The following OVCH2 variants were observed in gnomAD, a reference collection of about 807,000 sequenced individuals.
The protein encoded by OVCH2 is ovochymase 2, also known as ovochymase-2.
A neutral mutation model predicts 73.7 loss-of-function variants in OVCH2; 88 were observed. The observed-to-expected ratio is 1.19, with a 90% CI of 1.01 to 1.43. OVCH2 has a LOEUF of 1.43. Ranked by LOEUF, OVCH2 falls within the 40% of genes most tolerant of loss-of-function variation. The pLI is 0.00. For synonymous variants in OVCH2, 265 were observed against 234.5 expected, an observed-to-expected ratio of 1.13 and a Z score of -1.19; for missense variants, 706 against 674.5, an observed-to-expected ratio of 1.05 and a Z score of -0.52.
rs762544717 is a variant in OVCH2, at chr11:7,696,784, T to G, written c.941A>C (p.Gln314Pro). 12 of 1,609,444 alleles carry G rather than the reference T, an allele frequency of 7.5e-6. No individual in the cohort carries two copies. Among genetic ancestry groups the G allele is most frequent in the Admixed American group, 6.7e-5 (4 of 59,322 alleles). The change falls in exon 9 of 16, where the codon CAG (glutamine) becomes CCG (proline). Residue 314 changes from glutamine (Q) to proline (P), a missense_variant. Coordinates refer to ENST00000533663, the MANE Select transcript of OVCH2 (RefSeq NM_198185.7). The part of the protein sequence containing the change: ...RKSSRAWCSE[Q>P]DVIVSGAEGK... ...CTCAGCCCCGCTGACTATGACATCCTGCTCACTGCACCAGGCTGGGAGGGA... is the reference window on the plus strand; with the variant it reads ...CTCAGCCCCGCTGACTATGACATCCGGCTCACTGCACCAGGCTGGGAGGGA...
chr11:7,696,582 C>T lies in OVCH2; in HGVS notation c.1024G>A (p.Val342Ile). 2 of 1,614,028 alleles carry T rather than the reference C, an allele frequency of 1.2e-6. No individual in the cohort carries two copies. Among genetic ancestry groups the T allele is most frequent in the Non-Finnish European group, 1.7e-6 (2 of 1,179,896 alleles). The stretch of plus-strand genomic sequence containing the variant: ...TCCTCTGGTACCAGCAGGGTCCAGA[C>T]ACACCGTCTGTAGGCAGATCATGGA... ...HLYYESKQRC[V>I]WTLLVPEEMH... Residue 342 changes from valine to isoleucine, a missense_variant, in exon 10 of 16, where the codon GTC becomes ATC. By Grantham distance (29) the Val-to-Ile change is conservative. Transcript: ENST00000533663.
rs772019340 is a variant in OVCH2 at position 7,701,778 on chromosome 11, A to C, written c.497T>G (p.Leu166Arg). Residue 166 changes from leucine to arginine, a missense_variant, in exon 5 of 16, where the codon CTG (leucine) becomes CGG (arginine). Physicochemically the swap from Leu to Arg is moderately radical, Grantham distance 102. Transcript: ENST00000533663. The stretch of plus-strand genomic sequence containing the variant: ...AAAACCAGCCTCAAATTGCTCCCGC[A>C]GCTCTGGAAGACATATGGGCCCCAC... ...HFVGPICLPE[L>R]REQFEAGFIC... 2.5e-6 allele frequency: 4 copies of C among 1,612,326 alleles called. No individual in the cohort carries two copies. The African/African-American group carries it at 5.3e-5, about 22-fold the overall frequency.
At chr11:7,688,675 A>AAGT (rs34273154), downstream of OVCH2, among the ~76,000 whole-genome samples, 28,994 of 152,086 alleles carry the variant, frequency 0.19, 3,115 homozygotes, top group African/African-American at 0.29. Flanking sequence ...TCTCCTGATA[A>AAGT]ATCAAAATGG....
chr11:7,704,079 T>G (rs1203973904), intron 2 of OVCH2, among the ~76,000 whole-genome samples: 3 of 152,124 alleles, frequency 2.0e-5, no homozygotes, highest in Non-Finnish European at 4.4e-5. Flanking sequence ...TATAACACAG[T>G]TGATGCAGAC....
chr11:7,701,320 C>A lies in OVCH2; in HGVS notation c.711+4G>T, dbSNP rs1330131980. The A allele has an allele frequency of 2.5e-6, 4 of 1,607,850 alleles. No homozygotes were observed. The highest frequency in any genetic ancestry group is 1.3e-5 in the African/African-American group (1 of 74,726). On this transcript the variant is annotated splice_donor_region_variant and intron_variant, in intron 6 of 15. Coordinates refer to ENST00000533663, the MANE Select transcript of OVCH2 (RefSeq NM_198185.7). ...GGCCTGACAGCCCCGCAGCTCCCAC[C>A]CACCTGACATGCGTCTCTCCCTCCA...
downstream of OVCH2, among the ~76,000 whole-genome samples, chr11:7,685,077 C>A (rs1856127985): frequency 6.6e-6 from 1 of 152,194 alleles, no homozygotes; most frequent in Admixed American, 6.5e-5. Flanking sequence ...GGCATTCTTT[C>A]TCACTTGACC....
intron 1 of OVCH2, chr11:7,705,397 AG>A (rs1856513048): frequency 1.3e-5 from 2 of 152,208 alleles, no homozygotes; most frequent in South Asian, 4.1e-4. Flanking sequence ...TGCATTTCTA[AG>A]GTTTAGCTTA....
chr11:7,700,370 C>G lies in OVCH2; in HGVS notation c.827G>C (p.Ser276Thr), dbSNP rs755041764. ...GAAGATCCCAGGGGATCCTTGATCA[C>G]TTTTCCTCACATTGTTTCTCCAGCC... ...GRGWRNNVRKSDQGSPGIFTD... is the reference protein window; with the variant it reads ...GRGWRNNVRKTDQGSPGIFTD... Residue 276 changes from serine (S) to threonine (T), a missense_variant, in exon 7 of 16, where the codon AGT (serine) becomes ACT (threonine). Physicochemically the swap from Ser to Thr is moderately conservative, Grantham distance 58. Transcript: ENST00000533663. 7.4e-6 allele frequency: 12 copies of G among 1,613,756 alleles called. No individual in the cohort carries two copies. The highest frequency in any genetic ancestry group is 1.0e-5 in the Non-Finnish European group (12 of 1,179,820).
chr11:7,680,315 C>A, the OVCH2 span, among the ~76,000 whole-genome samples: 11 of 152,188 alleles, frequency 7.2e-5, no homozygotes, highest in Non-Finnish European at 1.2e-4. Flanking sequence ...GAATTGCTCA[C>A]CTGGTGCGTG....
At position 7,691,386 on chromosome 11, in the gene OVCH2, A is replaced by G. The variant is rs1856217408; in HGVS notation, c.1522T>C (p.Tyr508His). Reference sequence around the variant, plus strand: ...CTCAGCACAGGGGTGGGGACATCATAGCCACACAGCCGAGCTTGTTGAAGG... The same window carrying G: ...CTCAGCACAGGGGTGGGGACATCATGGCCACACAGCCGAGCTTGTTGAAGG... ...RKKEIARLCGYDVPTPVLSPS... is the reference protein window; with the variant it reads ...RKKEIARLCGHDVPTPVLSPS... Residue 508 changes from tyrosine (Y) to histidine (H), a missense_variant, in exon 14 of 16, where the codon TAT becomes CAT. Transcript: ENST00000533663. 1 of 1,613,080 alleles carries G rather than the reference A, an allele frequency of 6.2e-7. No homozygotes were observed. Among genetic ancestry groups the G allele is most frequent in the East Asian group, 2.2e-5 (1 of 44,866 alleles).
chr11:7,694,774 G>C (rs956953278), intron 12 of OVCH2, among the ~76,000 whole-genome samples: 1 of 146,310 alleles, frequency 6.8e-6, no homozygotes, highest in Non-Finnish European at 1.5e-5. Flanking sequence ...ACCGCGCCCG[G>C]CTAATTCAAT....
At chr11:7,694,832 A>T (rs1430196199) in intron 12 of OVCH2, among the ~76,000 whole-genome samples, 9 of 144,166 alleles carry the variant, frequency 6.2e-5, no homozygotes, top group African/African-American at 2.4e-4. Flanking sequence ...TTTTTAAAGT[A>T]AGGAGCACAG....
chr11:7,684,331 G>A, the OVCH2 span, among the ~76,000 whole-genome samples: 4 of 151,916 alleles, frequency 2.6e-5, no homozygotes, highest in Admixed American at 6.6e-5. Context: ...TTGTTGAGTC[G>A]GGAACTCATT....
intron 4 of OVCH2, 103 bp from the exon 5 acceptor site, chr11:7,701,914 G>A (rs755887204): frequency 3.0e-6 from 3 of 1,005,134 alleles, no homozygotes; most frequent in African/African-American, 3.3e-5. Context: ...GACCTCATGA[G>A]AGTTGTGATA....
chr11:7,679,918 A>G, the OVCH2 span, among the ~76,000 whole-genome samples: 1 of 152,202 alleles, frequency 6.6e-6, no homozygotes, highest in African/African-American at 2.4e-5. Flanking sequence ...GAACACGTGG[A>G]GGTCCCTAGG....
chr11:7,696,273 A>G (rs1856330088), intron 10 of OVCH2, among the ~76,000 whole-genome samples, 192 bp downstream of exon 10: 1 of 152,176 alleles, frequency 6.6e-6, no homozygotes, highest in South Asian at 2.1e-4. Context: ...TTTGGCAAGT[A>G]AATTGCCCTG....
In OVCH2 at chr11:7,695,646, T is replaced by C. The variant is rs544845703; in HGVS notation, c.1206A>G (p.Lys402=). The change falls in exon 11 of 16, where the codon AAA becomes AAG. Residue 402 remains lysine, a synonymous_variant. Coordinates refer to ENST00000533663, the MANE Select transcript of OVCH2 (RefSeq NM_198185.7). The stretch of plus-strand genomic sequence containing the variant: ...CATTATCTGTGGCATCAGAGACGAA[T>C]TTCAGCCTTAGAGAATTAGAGCCAA... ...ILIGSNSLRL[K]FVSDATDNAA... The C allele has an allele frequency of 6.2e-7, 1 of 1,612,886 alleles. No individual in the cohort carries two copies. Among genetic ancestry groups the C allele is most frequent in the South Asian group, 1.1e-5 (1 of 91,016 alleles).
rs1339185367 is a variant in OVCH2 at position 7,695,039 on chromosome 11, G to C, written c.1413+19C>G. On this transcript the variant is annotated intron_variant, in intron 12 of 15. Coordinates refer to ENST00000533663, the MANE Select transcript of OVCH2 (RefSeq NM_198185.7). ...CTGTGAATTTACCATAGCTACGTAA[G>C]GACAGCCAAAGTCAATACCTTAATT... 6.5e-7 allele frequency: 1 copy of C among 1,546,358 alleles called. No homozygotes were observed.
intron 8 of OVCH2, among the ~76,000 whole-genome samples, chr11:7,697,899 A>G (rs999099491): frequency 1.3e-5 from 2 of 152,206 alleles, no homozygotes; most frequent in Non-Finnish European, 2.9e-5. Context: ...TCAGCTTTCT[A>G]TTACTCAATC....
Sources: allele counts gnomAD v4.1 joint callset (sites outside exome capture counted in the v4.1 genomes callset), GRCh38; gene constraint gnomAD v4.1.1; transcripts MANE v1.5; gene names NCBI Gene and HGNC (gene_info 2026-07-23, HGNC 2026-07-21).